Variants in GPC5 observed in about 807,000 individuals in gnomAD.
GPC5 encodes glypican 5.
In GPC5, 47 loss-of-function variants were observed where a neutral mutation model predicts 53.9. The ratio of observed to expected loss-of-function variants is 0.87; its 90% CI spans 0.69 to 1.11. The LOEUF (loss-of-function observed/expected upper bound fraction) is 1.11, where lower values mean the gene tolerates loss of function less well. Ranked by LOEUF, GPC5 falls within the 50% of genes most tolerant of loss-of-function variation. GPC5 has a pLI of 0.00. For missense variants in GPC5, 748 were observed against 713.1 expected (o/e 1.05, Z -0.56); for synonymous variants, 286 against 263.3 (o/e 1.09, Z -0.84).
intron 6 of GPC5, among the ~76,000 whole-genome samples, chr13:91,967,646 T>C (rs1184880582): frequency 6.6e-6 from 1 of 152,098 alleles, no homozygotes. Flanking sequence ...TTTCCATGGC[T>C]ATGTAACACC....
intron 7 of GPC5, among the ~76,000 whole-genome samples, chr13:92,710,705 C>T (rs1888104972): frequency 6.6e-6 from 1 of 152,126 alleles, no homozygotes; most frequent in African/African-American, 2.4e-5. Flanking sequence ...ATTCAGCAAA[C>T]CTATTGGCAT....
intron 5 of GPC5, among the ~76,000 whole-genome samples, chr13:91,823,966 C>T (rs1403567256): frequency 6.6e-6 from 1 of 152,024 alleles, no homozygotes; most frequent in East Asian, 1.9e-4. Context: ...TGGTGTTGTG[C>T]ATTTGGCAAA....
intron 6 of GPC5, among the ~76,000 whole-genome samples, chr13:91,972,856 C>T: frequency 6.6e-6 from 1 of 152,200 alleles, no homozygotes; most frequent in Non-Finnish European, 1.5e-5. Flanking sequence ...TGATGGGCTT[C>T]CCTTTGTGGG....
At chr13:92,067,411 T>C (rs189164736) in intron 6 of GPC5, among the ~76,000 whole-genome samples, 3 of 152,148 alleles carry the variant, frequency 2.0e-5, no homozygotes, top group Admixed American at 2.0e-4. Flanking sequence ...ACATCCCTTG[T>C]GTATGCAAAC....
At chr13:92,628,082 C>G (rs1488111305) in intron 7 of GPC5, among the ~76,000 whole-genome samples, 1 of 151,948 alleles carries the variant, frequency 6.6e-6, no homozygotes, top group East Asian at 1.9e-4. Flanking sequence ...ATTCCACACA[C>G]CCAACACTAA....
At chr13:92,385,873 G>C (rs1874692412) in intron 7 of GPC5, among the ~76,000 whole-genome samples, 1 of 144,304 alleles carries the variant, frequency 6.9e-6, no homozygotes, top group African/African-American at 2.5e-5. Context: ...ATTTCATTTA[G>C]GGACCTATAA....
chr13:91,825,924 C>T (rs1695916256), intron 5 of GPC5, among the ~76,000 whole-genome samples: 1 of 152,052 alleles, frequency 6.6e-6, no homozygotes, highest in Non-Finnish European at 1.5e-5. Flanking sequence ...AGGGAAGCTC[C>T]AAACATTCTG....
intron 5 of GPC5, among the ~76,000 whole-genome samples, chr13:91,780,940 A>G (rs2037788397): frequency 6.6e-6 from 1 of 152,232 alleles, no homozygotes; most frequent in Non-Finnish European, 1.5e-5. Flanking sequence ...CTATTCCCAC[A>G]TTTAAAGCAA....
chr13:92,213,560 A>G (rs926803885), intron 7 of GPC5, among the ~76,000 whole-genome samples: 1 of 152,210 alleles, frequency 6.6e-6, no homozygotes, highest in Admixed American at 6.5e-5. Flanking sequence ...AAATGACTGT[A>G]TAATCTGTCA....
intron 6 of GPC5, among the ~76,000 whole-genome samples, chr13:91,981,811 A>G (rs1183836000): frequency 6.6e-6 from 1 of 152,186 alleles, no homozygotes; most frequent in African/African-American, 2.4e-5. Context: ...CATTTGTTGA[A>G]AATATTATGG....
intron 7 of GPC5, among the ~76,000 whole-genome samples, chr13:92,438,897 G>A (rs997917439): frequency 2.0e-5 from 3 of 152,156 alleles, no homozygotes; most frequent in Middle Eastern, 6.8e-3. Flanking sequence ...GAGAAAGTAA[G>A]CATGCTGGAA....
chr13:92,405,720 AT>A (rs1420958716), intron 7 of GPC5, among the ~76,000 whole-genome samples: 1 of 152,226 alleles, frequency 6.6e-6, no homozygotes, highest in Non-Finnish European at 1.5e-5. Context: ...TGAAACTAGC[AT>A]TTAAAATCTC....
intron 6 of GPC5, among the ~76,000 whole-genome samples, chr13:91,960,367 C>T (rs999820392): frequency 2.6e-5 from 4 of 151,730 alleles, no homozygotes; most frequent in Admixed American, 1.3e-4. Flanking sequence ...TAAATTTAAC[C>T]AAGAAGGTGA....
At chr13:92,060,152 A>G (rs1013797044) in intron 6 of GPC5, among the ~76,000 whole-genome samples, 43 of 151,732 alleles carry the variant, frequency 2.8e-4, no homozygotes, top group Non-Finnish European at 5.9e-4. Context: ...TTTGTTATTT[A>G]TTGCTCTTTA....
At chr13:91,955,980 C>A (rs1484626756) in intron 6 of GPC5, among the ~76,000 whole-genome samples, 2 of 152,208 alleles carry the variant, frequency 1.3e-5, no homozygotes, top group East Asian at 3.9e-4. Context: ...GAAGTACACA[C>A]TCTCCAGCTG....
At chr13:91,495,843 T>A (rs917031083) in intron 2 of GPC5, among the ~76,000 whole-genome samples, 4 of 151,990 alleles carry the variant, frequency 2.6e-5, no homozygotes, top group African/African-American at 9.7e-5. Flanking sequence ...ACTAACAGGG[T>A]GAAACCCCGT....
intron 7 of GPC5, among the ~76,000 whole-genome samples, chr13:92,779,149 T>C (rs1238317210): frequency 6.6e-6 from 1 of 152,132 alleles, no homozygotes; most frequent in Non-Finnish European, 1.5e-5. Context: ...GAGAAAGGTA[T>C]ATCTCACATG....
intron 5 of GPC5, among the ~76,000 whole-genome samples, chr13:91,896,973 A>G (rs1199012206): frequency 6.6e-6 from 1 of 152,136 alleles, no homozygotes; most frequent in Non-Finnish European, 1.5e-5. Context: ...AGTTAAAGTG[A>G]GGCAAGAACA....
intron 1 of GPC5, among the ~76,000 whole-genome samples, chr13:91,416,794 T>C (rs920592640): frequency 1.3e-5 from 2 of 152,208 alleles, no homozygotes; most frequent in Admixed American, 6.5e-5. Context: ...TCCTTTTTTA[T>C]GGCTGCATAG....
Sources: allele counts gnomAD v4.1 joint callset (sites outside exome capture counted in the v4.1 genomes callset), GRCh38; gene constraint gnomAD v4.1.1; transcripts MANE v1.5; gene names NCBI Gene and HGNC (gene_info 2026-07-23, HGNC 2026-07-21).